The following KAT6A variants were observed in gnomAD, a reference collection of about 807,000 sequenced individuals.
KAT6A encodes the protein histone acetyltransferase KAT6A.
Under a neutral mutation model 198.4 loss-of-function variants are expected in KAT6A, and 9 were observed. That is an observed-to-expected ratio of 0.05 (90% CI 0.03 to 0.08). The LOEUF (loss-of-function observed/expected upper bound fraction) is 0.08. Among genes scored for constraint, KAT6A ranks in the 10% least tolerant of loss-of-function variants. KAT6A has a pLI of 1.00. For missense variants in KAT6A, 2,077 were observed against 2,509.9 expected (o/e 0.83, Z 3.69); for synonymous variants, 890 against 883.0 (o/e 1.01, Z -0.14).
rs572271162 is a variant in KAT6A, at chr8:42,000,163, G to T, written c.601-12600C>A. 2.6e-5 allele frequency among the ~76,000 whole-genome samples: 4 copies of T among 152,240 alleles called. No individual in the cohort carries two copies. The East Asian group carries it at 7.7e-4, about 29-fold the overall frequency. On this transcript the variant is annotated intron_variant, in intron 2 of 16. Transcript: ENST00000265713. ...TTAAAGTCTTTGTACATACACATTT[G>T]CCACACTGCATATTACCCACTTAAA...
At chr8:41,971,831 T>TA (rs1823810463) in intron 8 of KAT6A, among the ~76,000 whole-genome samples, 1 of 151,622 alleles carries the variant, frequency 6.6e-6, no homozygotes, top group South Asian at 2.1e-4. Context: ...CAGTAGCAAA[T>TA]ACAGACATAT....
intron 2 of KAT6A, among the ~76,000 whole-genome samples, chr8:42,023,033 G>C (rs545792539): frequency 6.6e-6 from 1 of 152,224 alleles, no homozygotes; most frequent in African/African-American, 2.4e-5. Context: ...AGGCTATATG[G>C]TATAGGCTAC....
At position 41,955,414 on chromosome 8, in the gene KAT6A, G is replaced by A. The variant is rs1463145507; in HGVS notation, c.1483-3C>T. On this transcript the variant is annotated splice_polypyrimidine_tract_variant and splice_region_variant and intron_variant, in intron 8 of 16. Coordinates refer to ENST00000265713, the MANE Select transcript of KAT6A (RefSeq NM_006766.5). ...GGGGGACCAGTCACTCCAACTTTCT[G>A]TGCAGTCAAGAAATACATTCAAAAG... 1 of 1,577,716 alleles carries A rather than the reference G, an allele frequency of 6.3e-7. No individual in the cohort carries two copies.
Position 41,994,130 on chromosome 8 carries a change from T to G in KAT6A, c.601-6567A>C, listed in dbSNP as rs893426739. Among the ~76,000 whole-genome samples the G allele has an allele frequency of 2.0e-5, 3 of 152,330 alleles. No homozygotes were observed. The South Asian group carries it at 6.2e-4, about 32-fold the overall frequency. ...CTATCCAAGCTTCTTTCTTATACCTTATTGTTCCCATGATCTATATAAAGT... is the reference window on the plus strand; with the variant it reads ...CTATCCAAGCTTCTTTCTTATACCTGATTGTTCCCATGATCTATATAAAGT... On this transcript the variant is annotated intron_variant, in intron 2 of 16. Coordinates refer to ENST00000265713, the MANE Select transcript of KAT6A (RefSeq NM_006766.5).
intron 12 of KAT6A, 44 bp downstream of exon 12, chr8:41,946,547 A>G (rs761260989): frequency 2.3e-6 from 2 of 881,820 alleles, no homozygotes; most frequent in South Asian, 2.7e-5. Flanking sequence ...CACACAGAGA[A>G]GGTCCACTGG....
intron 2 of KAT6A, among the ~76,000 whole-genome samples, chr8:42,045,446 C>T (rs964183039): frequency 2.0e-5 from 3 of 151,624 alleles, no homozygotes; most frequent in African/African-American, 7.3e-5. Flanking sequence ...CCTGTAATCC[C>T]AGCTACATGG....
chr8:41,992,183 G>A (rs2150896632), intron 2 of KAT6A, among the ~76,000 whole-genome samples: 1 of 151,250 alleles, frequency 6.6e-6, no homozygotes, highest in South Asian at 2.1e-4. Context: ...CCTAGCAACA[G>A]AGCGAGACTG....
intron 2 of KAT6A, among the ~76,000 whole-genome samples, chr8:42,026,523 T>C (rs1826822564): frequency 6.6e-6 from 1 of 152,228 alleles, no homozygotes; most frequent in South Asian, 2.1e-4. Flanking sequence ...TGTGTGATTG[T>C]CTTGGTAGCT....
At chr8:41,968,184 G>A in intron 8 of KAT6A, among the ~76,000 whole-genome samples, 1 of 152,104 alleles carries the variant, frequency 6.6e-6, no homozygotes. Context: ...AGAGTGAACA[G>A]GCAACCCACA....
chr8:41,954,279 T>C (rs1822819785), intron 9 of KAT6A, among the ~76,000 whole-genome samples: 1 of 152,240 alleles, frequency 6.6e-6, no homozygotes, highest in African/African-American at 2.4e-5. Flanking sequence ...CTATTCCTAG[T>C]TTCTTGGCAA....
chr8:42,051,177 C>G (rs1041331353), intron 1 of KAT6A, among the ~76,000 whole-genome samples: 1 of 152,078 alleles, frequency 6.6e-6, no homozygotes, highest in South Asian at 2.1e-4. Context: ...GGGGCCGGCT[C>G]GAGGGCGGCG....
chr8:41,950,690 C>A (rs1822624436), intron 9 of KAT6A, among the ~76,000 whole-genome samples: 1 of 152,078 alleles, frequency 6.6e-6, no homozygotes, highest in South Asian at 2.1e-4. Context: ...CAGTGACAGA[C>A]CATGAAGCTT....
intron 11 of KAT6A, among the ~76,000 whole-genome samples, chr8:41,947,525 C>T (rs1044813583): frequency 5.9e-5 from 9 of 152,134 alleles, no homozygotes; most frequent in African/African-American, 1.4e-4. Context: ...AAACCTTCCC[C>T]GTGAGTATTG....
intron 2 of KAT6A, among the ~76,000 whole-genome samples, chr8:42,013,194 T>A (rs1359181327): frequency 6.6e-6 from 1 of 151,806 alleles, no homozygotes; most frequent in African/African-American, 2.4e-5. Context: ...CATTATTGCA[T>A]GTAAATTTAT....
chr8:42,018,179 AGTTT>A (rs1287603243), intron 2 of KAT6A, among the ~76,000 whole-genome samples: 1 of 152,252 alleles, frequency 6.6e-6, no homozygotes, highest in Non-Finnish European at 1.5e-5. Flanking sequence ...ATTCCAAGTT[AGTTT>A]AACTACAGAG....
At chr8:42,019,317 T>C (rs1336455786) in intron 2 of KAT6A, among the ~76,000 whole-genome samples, 2 of 152,208 alleles carry the variant, frequency 1.3e-5, no homozygotes, top group Non-Finnish European at 2.9e-5. Flanking sequence ...AACATTTTTT[T>C]CCTCAATTTC....
intron 2 of KAT6A, among the ~76,000 whole-genome samples, chr8:42,009,915 C>CAAA (rs1216387598): frequency 3.6e-5 from 4 of 110,294 alleles, no homozygotes; most frequent in Non-Finnish European, 5.3e-5. Flanking sequence ...AAAAAAAAAA[C>CAAA]AAAAAAAAAC....
intron 12 of KAT6A, among the ~76,000 whole-genome samples, chr8:41,946,356 G>A (rs952101484): frequency 2.6e-5 from 4 of 151,986 alleles, no homozygotes; most frequent in Non-Finnish European, 4.4e-5. Context: ...TCCCACCCCA[G>A]TTTCCCAAAG....
intron 2 of KAT6A, among the ~76,000 whole-genome samples, chr8:42,045,148 G>C (rs1471095947): frequency 1.3e-5 from 2 of 152,124 alleles, no homozygotes; most frequent in Non-Finnish European, 2.9e-5. Context: ...ATAGAACAGA[G>C]CTCACCAACT....
Sources: gnomAD v4.1 joint callset for allele counts (sites outside exome capture counted in the v4.1 genomes callset) on GRCh38, gnomAD v4.1.1 for gene constraint, MANE v1.5 for transcripts, NCBI Gene and HGNC (gene_info 2026-07-23, HGNC 2026-07-21) for gene names.